The following SAMTOR variants were observed in gnomAD, a reference collection of about 807,000 sequenced individuals.
The protein encoded by SAMTOR is S-adenosylmethionine sensor upstream of mTORC1.
At chr7:112,922,342 A>G in the SAMTOR span, among the ~76,000 whole-genome samples, 1 of 152,140 alleles carries the variant, frequency 6.6e-6, no homozygotes, top group Non-Finnish European at 1.5e-5. Context: ...TTGGCCTCCC[A>G]AAGTGCCGAG....
At chr7:112,888,633 CA>C in the SAMTOR span, among the ~76,000 whole-genome samples, 6 of 152,078 alleles carry the variant, frequency 3.9e-5, no homozygotes, top group East Asian at 1.2e-3. Context: ...AATCTAAGTG[CA>C]AAAAAGTATA....
chr7:112,839,399 A>T, the SAMTOR span, among the ~76,000 whole-genome samples: 1 of 151,926 alleles, frequency 6.6e-6, no homozygotes, highest in Non-Finnish European at 1.5e-5. Flanking sequence ...AGGCAAGACC[A>T]CTAATGGATG....
At chr7:112,921,784 T>G in the SAMTOR span, among the ~76,000 whole-genome samples, 2 of 8,932 alleles carry the variant, frequency 2.2e-4, no homozygotes, top group Admixed American at 1.3e-3. Context: ...ACAAGGACAT[T>G]AACAGACACT....
chr7:112,909,125 T>C, the SAMTOR span, among the ~76,000 whole-genome samples: 1 of 152,246 alleles, frequency 6.6e-6, no homozygotes, highest in Non-Finnish European at 1.5e-5. Context: ...TTGCTTTTAA[T>C]GTCCAATGCC....
At chr7:112,929,340 G>T in the SAMTOR span, among the ~76,000 whole-genome samples, 44 of 151,988 alleles carry the variant, frequency 2.9e-4, 2 homozygotes, top group Admixed American at 2.9e-3. Context: ...ATAGAAGGGT[G>T]CTCAACAAAA....
chr7:112,860,220 C>A, the SAMTOR span, among the ~76,000 whole-genome samples: 1 of 152,068 alleles, frequency 6.6e-6, no homozygotes, highest in Non-Finnish European at 1.5e-5. Flanking sequence ...TAGGCTATAC[C>A]ATCTAGGTTT....
the SAMTOR span, among the ~76,000 whole-genome samples, chr7:112,850,348 CTGGCCTGCAGTCTTTTTT>C: frequency 6.6e-6 from 1 of 152,174 alleles, no homozygotes; most frequent in African/African-American, 2.4e-5. Context: ...ACCATGGATA[CTGGCCTGCAGTCTTTTTT>C]TGTGTGTGTT....
At chr7:112,878,923 A>T in the SAMTOR span, among the ~76,000 whole-genome samples, 1 of 152,126 alleles carries the variant, frequency 6.6e-6, no homozygotes, top group Non-Finnish European at 1.5e-5. Flanking sequence ...GATGAGATAG[A>T]GGTAGACAGA....
the SAMTOR span, among the ~76,000 whole-genome samples, chr7:112,882,653 C>A: frequency 6.6e-6 from 1 of 151,774 alleles, no homozygotes; most frequent in Non-Finnish European, 1.5e-5. Flanking sequence ...CAAGCCACTG[C>A]ACTCCAGCCT....
chr7:112,917,538 C>T, the SAMTOR span, among the ~76,000 whole-genome samples: 42 of 152,278 alleles, frequency 2.8e-4, no homozygotes, highest in East Asian at 1.5e-3. Flanking sequence ...AAAAGCAGAG[C>T]GCCTCTCCTC....
the SAMTOR span, among the ~76,000 whole-genome samples, chr7:112,905,395 C>T: frequency 8.5e-5 from 13 of 152,212 alleles, no homozygotes; most frequent in East Asian, 2.3e-3. Context: ...TGAGACAACC[C>T]CAAAAGTACT....
At chr7:112,837,704 T>C in the SAMTOR span, among the ~76,000 whole-genome samples, 1 of 151,990 alleles carries the variant, frequency 6.6e-6, no homozygotes, top group Non-Finnish European at 1.5e-5. Context: ...TACAGTAAAT[T>C]CTGGCTACTT....
the SAMTOR span, among the ~76,000 whole-genome samples, chr7:112,860,451 C>T: frequency 2.0e-5 from 3 of 152,118 alleles, no homozygotes; most frequent in African/African-American, 4.8e-5. Flanking sequence ...CCCTGCTATT[C>T]GTTCCCTTAT....
the SAMTOR span, among the ~76,000 whole-genome samples, chr7:112,831,300 G>A: frequency 1.3e-5 from 2 of 152,190 alleles, no homozygotes; most frequent in Non-Finnish European, 1.5e-5. Flanking sequence ...CTACTTTAGA[G>A]TTATCTATCT....
At chr7:112,939,214 T>G in the SAMTOR span, 1 of 226,034 alleles carries the variant, frequency 4.4e-6, no homozygotes, top group Non-Finnish European at 8.9e-6. Flanking sequence ...TACAAATGGA[T>G]TTTACCTGTC....
the SAMTOR span, among the ~76,000 whole-genome samples, chr7:112,847,040 C>T: frequency 6.6e-6 from 1 of 152,056 alleles, no homozygotes; most frequent in Admixed American, 6.6e-5. Flanking sequence ...TCATGTAGTC[C>T]AAAATAAATC....
the SAMTOR span, chr7:112,939,664 C>T: frequency 6.2e-7 from 1 of 1,613,778 alleles, no homozygotes; most frequent in Non-Finnish European, 8.5e-7. Context: ...GCTCCAGTTT[C>T]CGCTCCTGCT....
At chr7:112,915,354 T>A in the SAMTOR span, 1 of 1,613,390 alleles carries the variant, frequency 6.2e-7, no homozygotes, top group South Asian at 1.1e-5. Context: ...TTTTGCCCAA[T>A]GATTATCTGC....
chr7:112,893,515 C>T, the SAMTOR span, among the ~76,000 whole-genome samples: 1 of 152,192 alleles, frequency 6.6e-6, no homozygotes, highest in Non-Finnish European at 1.5e-5. Flanking sequence ...TAGGTATTGG[C>T]TTGAGGGAAT....
Sources: allele counts gnomAD v4.1 joint callset (sites outside exome capture counted in the v4.1 genomes callset), GRCh38; gene constraint gnomAD v4.1.1; transcripts MANE v1.5; gene names NCBI Gene and HGNC (gene_info 2026-07-23, HGNC 2026-07-21).